Variants in LYRM4 observed in about 807,000 individuals in gnomAD.
LYRM4 encodes LYR motif containing 4, also known as LYR motif-containing protein 4.
In LYRM4, 9 loss-of-function variants were observed where a neutral mutation model predicts 11.7. The ratio of observed to expected loss-of-function variants is 0.77; its 90% CI spans 0.46 to 1.34. LYRM4 has a LOEUF of 1.34. Among genes scored for constraint, LYRM4 ranks in the 40% most tolerant of loss-of-function variants. The probability of loss-of-function intolerance (pLI) is 0.00; values close to 1 mark genes in which losing one functional copy is unlikely to be tolerated. For synonymous variants in LYRM4, 42 were observed against 40.4 expected (o/e 1.04, Z -0.15); for missense variants, 133 against 112.5 (o/e 1.18, Z -0.82).
At chr6:5,064,250 C>T in the LYRM4 span, among the ~76,000 whole-genome samples, 1 of 152,106 alleles carries the variant, frequency 6.6e-6, no homozygotes, top group Admixed American at 6.5e-5. Flanking sequence ...AGCCTTCCCA[C>T]CTAGCCCGGA....
downstream of LYRM4, among the ~76,000 whole-genome samples, chr6:5,101,886 T>G (rs886141709): frequency 6.6e-6 from 1 of 150,990 alleles, no homozygotes; most frequent in Non-Finnish European, 1.5e-5. Flanking sequence ...CCTCCTGGGC[T>G]CAAGTGGTCC....
At chr6:5,172,254 T>C (rs1312939123) in intron 2 of LYRM4, among the ~76,000 whole-genome samples, 7 of 152,120 alleles carry the variant, frequency 4.6e-5, no homozygotes, top group Admixed American at 2.6e-4. Context: ...TCCAACATGC[T>C]GGGAAAGCAC....
At chr6:5,202,516 C>T (rs1310041762) in intron 2 of LYRM4, among the ~76,000 whole-genome samples, 1 of 152,170 alleles carries the variant, frequency 6.6e-6, no homozygotes, top group Non-Finnish European at 1.5e-5. Flanking sequence ...ATGATGTGGG[C>T]ACTGGATGGA....
the LYRM4 span, among the ~76,000 whole-genome samples, chr6:5,046,563 T>TCAGCTGGGA: frequency 2.5e-4 from 38 of 152,342 alleles, no homozygotes; most frequent in African/African-American, 8.7e-4. Flanking sequence ...ATCTGGTGCT[T>TCAGCTGGGA]CAGCTGGGAC....
chr6:5,211,233 T>A (rs1677887471), intron 2 of LYRM4, among the ~76,000 whole-genome samples: 1 of 152,170 alleles, frequency 6.6e-6, no homozygotes, highest in African/African-American at 2.4e-5. Flanking sequence ...AACCACCATC[T>A]AGGGAACTGG....
chr6:5,095,744 G>A, the LYRM4 span, among the ~76,000 whole-genome samples: 5 of 152,166 alleles, frequency 3.3e-5, no homozygotes, highest in East Asian at 1.9e-4. Context: ...TTGGAAGGCC[G>A]AGAGGCAGGT....
the LYRM4 span, among the ~76,000 whole-genome samples, chr6:5,058,294 A>G: frequency 1.3e-5 from 2 of 152,194 alleles, no homozygotes; most frequent in African/African-American, 2.4e-5. Flanking sequence ...ACAGTGTGAC[A>G]GCAGATGTCT....
the LYRM4 span, chr6:5,042,696 A>C: frequency 6.5e-6 from 1 of 152,690 alleles, no homozygotes; most frequent in Non-Finnish European, 1.5e-5. Flanking sequence ...CATCGCTATT[A>C]GAGATACATC....
intron 2 of LYRM4, among the ~76,000 whole-genome samples, chr6:5,193,295 A>G (rs1561861515): frequency 6.6e-6 from 1 of 151,410 alleles, no homozygotes. Context: ...GTGATTTAAA[A>G]AAAAACCAGA....
the LYRM4 span, among the ~76,000 whole-genome samples, chr6:5,082,349 C>A: frequency 6.6e-6 from 1 of 152,174 alleles, no homozygotes; most frequent in African/African-American, 2.4e-5. Flanking sequence ...TTGGTAAGAA[C>A]CAGAGAAGCT....
chr6:5,246,104 T>C (rs1329720670), intron 1 of LYRM4, among the ~76,000 whole-genome samples: 1 of 152,144 alleles, frequency 6.6e-6, no homozygotes, highest in African/African-American at 2.4e-5. Flanking sequence ...AGTTGACCTA[T>C]AAGTTGAATT....
chr6:5,198,262 A>T (rs970044631), intron 2 of LYRM4, among the ~76,000 whole-genome samples: 1 of 152,212 alleles, frequency 6.6e-6, no homozygotes, highest in African/African-American at 2.4e-5. Context: ...ACGGCTTTCA[A>T]GTACTCATAA....
intron 2 of LYRM4, among the ~76,000 whole-genome samples, chr6:5,185,414 C>T (rs1443960304): frequency 6.6e-6 from 1 of 152,146 alleles, no homozygotes; most frequent in Non-Finnish European, 1.5e-5. Flanking sequence ...TGTAGACATA[C>T]CAACAAATCT....
Position 5,236,684 on chromosome 6 carries a change from A to T in LYRM4, c.87-19946T>A, listed in dbSNP as rs899800876. 2.6e-5 allele frequency among the ~76,000 whole-genome samples: 4 copies of T among 151,936 alleles called. No individual in the cohort carries two copies. In the South Asian group the frequency reaches 8.3e-4, roughly 32 times the overall value. The stretch of plus-strand genomic sequence containing the variant: ...CTAAGGGGGCCAAGCGCAGTAGCTC[A>T]CATCTGTAATCCCAGCATTTTGGGA... On this transcript the variant is annotated intron_variant, in intron 1 of 2. Coordinates refer to ENST00000330636, the MANE Select transcript of LYRM4 (RefSeq NM_020408.6).
chr6:5,060,451 T>C, the LYRM4 span, among the ~76,000 whole-genome samples: 17 of 151,886 alleles, frequency 1.1e-4, no homozygotes, highest in African/African-American at 3.6e-4. Context: ...CCAGTGAAGG[T>C]TTTTTTTAGT....
chr6:5,171,864 G>T (rs1561846995), intron 2 of LYRM4, among the ~76,000 whole-genome samples: 2 of 152,058 alleles, frequency 1.3e-5, no homozygotes, highest in Non-Finnish European at 2.9e-5. Context: ...TAGGTTGAAG[G>T]GATACGGGAA....
At chr6:5,155,060 G>C (rs879806074) in intron 2 of LYRM4, among the ~76,000 whole-genome samples, 2 of 152,036 alleles carry the variant, frequency 1.3e-5, no homozygotes, top group African/African-American at 2.4e-5. Context: ...CCCCTACCCT[G>C]CCTACTGTGA....
At chr6:5,112,870 C>T (rs417629) in intron 2 of LYRM4, among the ~76,000 whole-genome samples, 115,500 of 152,000 alleles carry the variant, frequency 0.76, 44,149 homozygotes, top group East Asian at 0.93. Context: ...GTGGAGACTG[C>T]CAGAGACAGA....
At chr6:5,057,799 G>A in the LYRM4 span, among the ~76,000 whole-genome samples, 1 of 150,250 alleles carries the variant, frequency 6.7e-6, no homozygotes, top group African/African-American at 2.5e-5. Flanking sequence ...GTCTCTCTCT[G>A]TCACCCAGGC....
Sources: allele counts gnomAD v4.1 joint callset (sites outside exome capture counted in the v4.1 genomes callset), GRCh38; gene constraint gnomAD v4.1.1; transcripts MANE v1.5; gene names NCBI Gene and HGNC (gene_info 2026-07-23, HGNC 2026-07-21).